The following TAF6 variants were observed in gnomAD, a reference collection of about 807,000 sequenced individuals.
The protein encoded by TAF6 is TATA-box binding protein associated factor 6, also known as transcription initiation factor TFIID subunit 6.
A neutral mutation model predicts 73.5 loss-of-function variants in TAF6; 50 were observed. The ratio of observed to expected loss-of-function variants is 0.68; its 90% CI spans 0.54 to 0.86. The LOEUF (loss-of-function observed/expected upper bound fraction) is 0.86, where lower values mean the gene tolerates loss of function less well. Among genes scored for constraint, TAF6 ranks in the 40% least tolerant of loss-of-function variants. The pLI, the probability that TAF6 is intolerant of heterozygous loss-of-function variation, is 0.00. For missense variants in TAF6, 768 were observed against 899.5 expected (o/e 0.85, Z 1.87); for synonymous variants, 424 against 376.7 (o/e 1.13, Z -1.45).
In TAF6 at chr7:100,107,471, G is replaced by A; in HGVS notation, c.1809C>T (p.Val603=). 2.5e-6 allele frequency: 4 copies of A among 1,613,928 alleles called. No individual in the cohort carries two copies. Among genetic ancestry groups the A allele is most frequent in the Non-Finnish European group, 3.4e-6 (4 of 1,179,870 alleles). Reference sequence around the variant, plus strand: ...GAAGTGAGACCACGATGTACTTCTGGACACTCCCAGGACCAGAGGGAGCAG... The same window carrying A: ...GAAGTGAGACCACGATGTACTTCTGAACACTCCCAGGACCAGAGGGAGCAG... ...PSTAPSGPGS[V]QKYIVVSLPP... Residue 603 remains valine, a synonymous_variant, in exon 15 of 15, where the codon GTC becomes GTT. Transcript: ENST00000453269.
intron 1 of TAF6, 157 bp downstream of exon 1, chr7:100,119,046 AG>A (rs1316587634): frequency 1.0e-4 from 99 of 985,696 alleles, no homozygotes; most frequent in Non-Finnish European, 1.1e-4. Context: ...AAGGCGTCCC[AG>A]GGAAGGGTTA....
upstream of TAF6, chr7:100,119,666 C>T (rs760204447): frequency 6.2e-7 from 1 of 1,611,530 alleles, no homozygotes; most frequent in East Asian, 2.2e-5. Flanking sequence ...TGCCGCTAGC[C>T]GCCTGGGAAT....
At chr7:100,124,497 C>T (rs1478076463), upstream of TAF6, 2 of 1,574,244 alleles carry the variant, frequency 1.3e-6, no homozygotes, top group South Asian at 1.1e-5. Flanking sequence ...ACTCTTCTGG[C>T]CCTTCTACTT....
chr7:100,117,394 C>T (rs1008905449), intron 1 of TAF6, among the ~76,000 whole-genome samples: 1 of 151,032 alleles, frequency 6.6e-6, no homozygotes, highest in Admixed American at 6.6e-5. Flanking sequence ...GTCTCAGCCT[C>T]CTGCGTAGCT....
chr7:100,112,141 C>T lies in TAF6; in HGVS notation c.687G>A (p.Glu229=). The change falls in exon 7 of 15, where the codon GAG becomes GAA. Residue 229 remains glutamate (E), a synonymous_variant. Transcript: ENST00000453269. Reference sequence around the variant, plus strand: ...TGGCCTCGCAGGAGCCCACGCAGGCCTCGGTGATCTCCTTGTAGTAGAGCT... The same window carrying T: ...TGGCCTCGCAGGAGCCCACGCAGGCTTCGGTGATCTCCTTGTAGTAGAGCT... ...EQQLYYKEIT[E]ACVGSCEAKR... The T allele has an allele frequency of 6.2e-7, 1 of 1,613,982 alleles. No individual in the cohort carries two copies. Among genetic ancestry groups the T allele is most frequent in the African/African-American group, 1.3e-5 (1 of 75,066 alleles).
rs766730027 is a variant in TAF6, at chr7:100,107,602, C to T, written c.1678G>A (p.Ala560Thr). 1 of 1,613,204 alleles carries T rather than the reference C, an allele frequency of 6.2e-7. No individual in the cohort carries two copies. The highest frequency in any genetic ancestry group is 8.5e-7 in the Non-Finnish European group (1 of 1,179,784). Reference sequence around the variant, plus strand: ...GTGGTGGTGGAACCTGAGCCGGGGGCCGAGGTGCTGAGGGACAGGACCTGG... The same window carrying T: ...GTGGTGGTGGAACCTGAGCCGGGGGTCGAGGTGCTGAGGGACAGGACCTGG... ...TQQVLSLSTS[A>T]PGSGSTTTSP... Residue 560 changes from alanine to threonine, a missense_variant, in exon 15 of 15, where the codon GCC becomes ACC. Coordinates refer to ENST00000453269, the MANE Select transcript of TAF6 (RefSeq NM_139315.3).
At chr7:100,119,487 G>A (rs989407686), upstream of TAF6, 2 of 1,352,616 alleles carry the variant, frequency 1.5e-6, no homozygotes, top group Non-Finnish European at 1.9e-6. Flanking sequence ...TATATATAAG[G>A]AGCACTCCCT....
At chr7:100,107,793 G>A (rs1388864985) in intron 14 of TAF6, 133 bp downstream of exon 14, 1 of 1,385,806 alleles carries the variant, frequency 7.2e-7, no homozygotes. Context: ...AGCCCTGCAG[G>A]ACCCTGGTGG....
In TAF6 at chr7:100,119,235, C is replaced by T. The variant is rs1797933550; in HGVS notation, c.-91G>A. On this transcript the variant is annotated 5_prime_UTR_variant, in exon 1 of 15. Coordinates refer to ENST00000453269, the MANE Select transcript of TAF6 (RefSeq NM_139315.3). ...CTTTCCAGTCCCCACAAGGGACCTT[C>T]AAAGGGTCTCCTCCGGGGTACCACT... 1.0e-6 allele frequency: 1 copy of T among 1,003,178 alleles called. No homozygotes were observed. The highest frequency in any genetic ancestry group is 1.2e-6 in the Non-Finnish European group (1 of 840,200). 62.1% of individuals were successfully genotyped at this position (1,003,178 alleles called of 1,614,324 possible). A position where few individuals can be genotyped will look rare whatever the true frequency, so the allele number is the denominator to read the frequency against.
intron 5 of TAF6, 130 bp from the exon 6 acceptor site, chr7:100,113,047 C>T: frequency 1.5e-6 from 2 of 1,333,568 alleles, no homozygotes; most frequent in Non-Finnish European, 2.0e-6. Flanking sequence ...GGTGGATCAC[C>T]TCAGGTCAGA....
chr7:100,110,173 C>T (rs1468840459), intron 11 of TAF6, 27 bp downstream of exon 11: 10 of 1,614,076 alleles, frequency 6.2e-6, no homozygotes, highest in Non-Finnish European at 8.5e-7. Flanking sequence ...TGTCCCCTCC[C>T]CCATTTCTTC....
chr7:100,118,170 G>A (rs999637259), intron 1 of TAF6, among the ~76,000 whole-genome samples: 4 of 152,094 alleles, frequency 2.6e-5, no homozygotes, highest in African/African-American at 7.2e-5. Flanking sequence ...TGGCCAACAT[G>A]GTGAAACCCT....
rs1190045650 is a variant in TAF6, at chr7:100,114,273, C to G, written c.-59-5G>C. 2 of 1,612,474 alleles carry G rather than the reference C, an allele frequency of 1.2e-6. No homozygotes were observed. Among genetic ancestry groups the G allele is most frequent in the East Asian group, 4.5e-5 (2 of 44,880 alleles). On this transcript the variant is annotated splice_polypyrimidine_tract_variant and splice_region_variant and intron_variant, in intron 1 of 14. Coordinates refer to ENST00000453269, the MANE Select transcript of TAF6 (RefSeq NM_139315.3). ...CCCGGTGGAGAGACGGAGACCCTGG[C>G]AGAGGAACGGGGCAGGCAGAAGAAA...
the TAF6 span, chr7:100,126,813 C>G: frequency 1.3e-5 from 2 of 153,344 alleles, no homozygotes. Flanking sequence ...CTCCTCAAAG[C>G]TAATGGCGCT....
intron 1 of TAF6, chr7:100,115,732 G>C (rs1384504820): frequency 6.6e-6 from 1 of 151,960 alleles, no homozygotes; most frequent in East Asian, 1.9e-4. Flanking sequence ...CAGCACTTTG[G>C]GAGGCCGAGG....
Position 100,108,043 on chromosome 7 carries a change from G to A in TAF6, c.1539C>T (p.Ile513=), listed in dbSNP as rs114272994. 7.3e-4 allele frequency: 1,177 copies of A among 1,613,556 alleles called. 9 individuals carry two copies. In the African/African-American group the frequency reaches 0.014, roughly 19 times the overall value. Residue 513 remains isoleucine (I), a synonymous_variant, in exon 14 of 15, where the codon ATC becomes ATT. Coordinates refer to ENST00000453269, the MANE Select transcript of TAF6 (RefSeq NM_139315.3). ...TPGLLKVPGS[I]ALPVQTLVSA... ...ACACCAGTGTCTGGACAGGAAGTGC[G>A]ATGGAGCCAGGAACCTTCAGCAAGC...
At chr7:100,122,655 C>G (rs1798107892), upstream of TAF6, 2 of 1,507,926 alleles carry the variant, frequency 1.3e-6, no homozygotes, top group Non-Finnish European at 1.8e-6. Flanking sequence ...CAGAGGTTAT[C>G]TGCCCATCAT....
At chr7:100,122,961 G>C, upstream of TAF6, 1 of 1,563,252 alleles carries the variant, frequency 6.4e-7, no homozygotes. Context: ...TGAGAGGGGA[G>C]CTAGGTTCTA....
chr7:100,126,362 T>TA, the TAF6 span, among the ~76,000 whole-genome samples: 2 of 150,286 alleles, frequency 1.3e-5, no homozygotes, highest in Non-Finnish European at 3.0e-5. Flanking sequence ...AAAAAAAATT[T>TA]AGAGGGGCGT....
Sources: gnomAD v4.1 joint callset for allele counts (sites outside exome capture counted in the v4.1 genomes callset) on GRCh38, gnomAD v4.1.1 for gene constraint, MANE v1.5 for transcripts, NCBI Gene and HGNC (gene_info 2026-07-23, HGNC 2026-07-21) for gene names.